MTSS1: variants seen among roughly 807,000 people sequenced by gnomAD.
The protein encoded by MTSS1 is protein MTSS 1.
Under a neutral mutation model 79.0 loss-of-function variants are expected in MTSS1, and 18 were observed. The observed-to-expected ratio is 0.23, with a 90% CI of 0.16 to 0.34. MTSS1 has a LOEUF of 0.34. Ranked by LOEUF, MTSS1 falls within the 10% of genes least tolerant of loss-of-function variation. The pLI, the probability that MTSS1 is intolerant of heterozygous loss-of-function variation, is 1.00. For missense variants in MTSS1, 815 were observed against 986.2 expected, an observed-to-expected ratio of 0.83 and a Z score of 2.33; for synonymous variants, 341 against 368.6, an observed-to-expected ratio of 0.93 and a Z score of 0.86.
chr8:124,627,032 C>T (rs924258068), intron 3 of MTSS1, among the ~76,000 whole-genome samples: 8 of 152,112 alleles, frequency 5.3e-5, no homozygotes, highest in Admixed American at 3.9e-4. Flanking sequence ...GAGTCCTGTG[C>T]ACATTCCCAT....
At chr8:124,578,559 C>T (rs1262871852) in intron 6 of MTSS1, among the ~76,000 whole-genome samples, 2 of 151,872 alleles carry the variant, frequency 1.3e-5, no homozygotes, top group Non-Finnish European at 2.9e-5. Context: ...CTTTGGGAGG[C>T]CAAGGCAACA....
chr8:124,562,684 G>T, intron 10 of MTSS1, 98 bp downstream of exon 10: 7 of 1,169,456 alleles, frequency 6.0e-6, no homozygotes, highest in Non-Finnish European at 8.7e-6. Context: ...CAGTGGGCAG[G>T]GGATTGTCTA....
intron 3 of MTSS1, among the ~76,000 whole-genome samples, chr8:124,627,005 A>G (rs1312059401): frequency 1.3e-5 from 2 of 152,108 alleles, no homozygotes; most frequent in Non-Finnish European, 2.9e-5. Context: ...CTGTCACGCA[A>G]CATTGCTTCA....
At chr8:124,580,695 C>T in intron 6 of MTSS1, 1 of 1,050,862 alleles carries the variant, frequency 9.5e-7, no homozygotes, top group Non-Finnish European at 1.4e-6. Flanking sequence ...CCATGGCTCG[C>T]CACCAAATTT....
In MTSS1 at chr8:124,643,698, C is replaced by CAA. The variant is rs11323836; in HGVS notation, c.209-52465_209-52464dup. 4.3e-3 allele frequency among the ~76,000 whole-genome samples: 285 copies of CAA among 65,954 alleles called. 1 individual carries two copies. Among genetic ancestry groups the CAA allele is most frequent in the Non-Finnish European group, 6.1e-3 (211 of 34,372 alleles). The allele number at this position is 65,954 out of a possible 152,430, so 43.3% of individuals were successfully genotyped here. A position where few individuals can be genotyped will look rare whatever the true frequency, so the allele number is the denominator to read the frequency against. Reference sequence around the variant, plus strand: ...GGGCAACAAGAGCGAAATTCCGTCTCAAAAAAAAAAAAAAAAAAAAAAAAC... The same window carrying CAA: ...GGGCAACAAGAGCGAAATTCCGTCTCAAAAAAAAAAAAAAAAAAAAAAAAAAC... On this transcript the variant is annotated intron_variant, in intron 3 of 13. Coordinates refer to ENST00000518547, the MANE Select transcript of MTSS1 (RefSeq NM_014751.6).
chr8:124,658,332 C>T lies in MTSS1; in HGVS notation c.208+41194G>A, dbSNP rs180910621. ...GATGTTTTGATATGGGGTTTCCGTT[C>T]TCGCTTGGCTCTCATTCTCTCTTGC... On this transcript the variant is annotated intron_variant, in intron 3 of 13. Coordinates refer to ENST00000518547, the MANE Select transcript of MTSS1 (RefSeq NM_014751.6). Among the ~76,000 whole-genome samples, 193 of 152,266 alleles carry T rather than the reference C, an allele frequency of 1.3e-3. 1 individual carries two copies. The highest frequency in any genetic ancestry group is 4.5e-3 in the African/African-American group (186 of 41,548).
rs183344150 is a variant in MTSS1 at position 124,551,286 on chromosome 8, C to T, written c.*1706G>A. On this transcript the variant is annotated 3_prime_UTR_variant, in exon 14 of 14. Coordinates refer to ENST00000518547, the MANE Select transcript of MTSS1 (RefSeq NM_014751.6). The stretch of plus-strand genomic sequence containing the variant: ...CAAGATTGGTGGGCTAAACCACAGG[C>T]ACTACTGTTGTTTATATTCTGTAAA... 114 of 152,748 alleles carry T rather than the reference C, an allele frequency of 7.5e-4. 2 individuals carry two copies. Among genetic ancestry groups the T allele is most frequent in the Admixed American group, 7.3e-3 (112 of 15,310 alleles). 9.5% of individuals were successfully genotyped at this position (152,748 alleles called of 1,614,324 possible). A position where few individuals can be genotyped will look rare whatever the true frequency, so the allele number is the denominator to read the frequency against.
At chr8:124,588,552 C>G (rs1305035842) in intron 5 of MTSS1, among the ~76,000 whole-genome samples, 1 of 152,180 alleles carries the variant, frequency 6.6e-6, no homozygotes, top group African/African-American at 2.4e-5. Flanking sequence ...ACTCACTCAA[C>G]CAGTTCACAA....
At chr8:124,580,452 A>G in intron 6 of MTSS1, 1 of 1,360,282 alleles carries the variant, frequency 7.4e-7, no homozygotes, top group Non-Finnish European at 1.0e-6. Context: ...AGCTGGTAGA[A>G]AAACCTGGGC....
At position 124,553,031 on chromosome 8, in the gene MTSS1, C is replaced by T. The variant is rs1350510064; in HGVS notation, c.2229G>A (p.Lys743=). ...GGGCTGAGCGATCGTTTGTCGTGGT[C>T]TTCTTCAGTTTCACGCCCCTTCGGA... ...NAIRRGVKLK[K]TTTNDRSAPR... is the part of the protein sequence containing the mutation. The change falls in exon 14 of 14, where the codon AAG becomes AAA. Residue 743 remains lysine (K), a synonymous_variant. Coordinates refer to ENST00000518547, the MANE Select transcript of MTSS1 (RefSeq NM_014751.6). The surrounding 1 kb of genome is among the most constrained non-coding windows in gnomAD (Gnocchi z 6.0). The T allele has an allele frequency of 6.2e-7, 1 of 1,614,078 alleles. No individual in the cohort carries two copies. Among genetic ancestry groups the T allele is most frequent in the Non-Finnish European group, 8.5e-7 (1 of 1,179,954 alleles).
intron 3 of MTSS1, among the ~76,000 whole-genome samples, chr8:124,678,042 A>G (rs953671412): frequency 5.3e-5 from 8 of 152,140 alleles, no homozygotes; most frequent in Non-Finnish European, 1.0e-4. Flanking sequence ...TTTCCCCCAA[A>G]CATTTTGATC....
intron 3 of MTSS1, among the ~76,000 whole-genome samples, chr8:124,613,960 A>G (rs1426764838): frequency 6.6e-6 from 1 of 152,128 alleles, no homozygotes; most frequent in Admixed American, 6.5e-5. Context: ...TCAGGAGTTC[A>G]AGACCAGCTT....
rs146964431 is a variant in MTSS1, at chr8:124,661,001, C to A, written c.208+38525G>T. Among the ~76,000 whole-genome samples, 389 of 152,316 alleles carry A rather than the reference C, an allele frequency of 2.6e-3. 1 individual carries two copies. Among genetic ancestry groups the A allele is most frequent in the African/African-American group, 9.0e-3 (373 of 41,560 alleles). ...CCTCTGACAGTAGTCACCTCTTGGCCCTGAGGCCATCGTCAATCAACAGAG... is the reference window on the plus strand; with the variant it reads ...CCTCTGACAGTAGTCACCTCTTGGCACTGAGGCCATCGTCAATCAACAGAG... On this transcript the variant is annotated intron_variant, in intron 3 of 13. Coordinates refer to ENST00000518547, the MANE Select transcript of MTSS1 (RefSeq NM_014751.6).
Position 124,597,669 on chromosome 8 carries a change from C to T in MTSS1, c.209-6434G>A, listed in dbSNP as rs1180189455. Reference sequence around the variant, plus strand: ...GGCTACAGTGTGGGCAGGTGGCGAGCGAGGACTGAAAAGACGTTTTGTCAG... The same window carrying T: ...GGCTACAGTGTGGGCAGGTGGCGAGTGAGGACTGAAAAGACGTTTTGTCAG... On this transcript the variant is annotated intron_variant, in intron 3 of 13. Coordinates refer to ENST00000518547, the MANE Select transcript of MTSS1 (RefSeq NM_014751.6). The surrounding 1 kb of genome is among the most constrained non-coding windows in gnomAD (Gnocchi z 4.6). Among the ~76,000 whole-genome samples, 4 of 152,156 alleles carry T rather than the reference C, an allele frequency of 2.6e-5. No individual in the cohort carries two copies. Among genetic ancestry groups the T allele is most frequent in the African/African-American group, 9.7e-5 (4 of 41,426 alleles).
chr8:124,727,980 G>T lies in MTSS1; in HGVS notation c.-25C>A. On this transcript the variant is annotated 5_prime_UTR_variant, in exon 1 of 14. Coordinates refer to ENST00000518547, the MANE Select transcript of MTSS1 (RefSeq NM_014751.6). This position sits in a 1 kb window ranked among gnomAD's most constrained non-coding sequence, Gnocchi z 4.7. ...TTTTCCCGGCTCCGGCAGGGCGAGGGCACACACGCGGGGCCGCTGGACTGC... is the reference window on the plus strand; with the variant it reads ...TTTTCCCGGCTCCGGCAGGGCGAGGTCACACACGCGGGGCCGCTGGACTGC... 1.9e-6 allele frequency: 3 copies of T among 1,604,520 alleles called. No individual in the cohort carries two copies. Among genetic ancestry groups the T allele is most frequent in the Non-Finnish European group, 2.6e-6 (3 of 1,175,538 alleles).
Position 124,694,242 on chromosome 8 carries a change from TAGTC to T in MTSS1, c.208+5280_208+5283del, listed in dbSNP as rs3083743. Among the ~76,000 whole-genome samples, 20 of 152,232 alleles carry T rather than the reference TAGTC, an allele frequency of 1.3e-4. No homozygotes were observed. In the South Asian group the frequency reaches 1.5e-3, roughly 11 times the overall value. On this transcript the variant is annotated intron_variant, in intron 3 of 13. Coordinates refer to ENST00000518547, the MANE Select transcript of MTSS1 (RefSeq NM_014751.6). ...ACAGAGCGGACGACACACTCCCTCTTAGTCAGCACTGGCCCATCCCGGCCACTGT... is the reference window on the plus strand; with the variant it reads ...ACAGAGCGGACGACACACTCCCTCTTAGCACTGGCCCATCCCGGCCACTGT...
intron 3 of MTSS1, among the ~76,000 whole-genome samples, chr8:124,678,940 T>TG (rs1563984236): frequency 2.6e-5 from 4 of 152,252 alleles, no homozygotes; most frequent in African/African-American, 4.8e-5. Flanking sequence ...ATCCCTTCTT[T>TG]ACTTTCCCCA....
At chr8:124,687,262 C>T (rs960271126) in intron 3 of MTSS1, among the ~76,000 whole-genome samples, 3 of 152,160 alleles carry the variant, frequency 2.0e-5, no homozygotes, top group African/African-American at 7.2e-5. Flanking sequence ...ACTGTCATCT[C>T]CCACACAGAC....
chr8:124,681,039 G>A (rs936558906), intron 3 of MTSS1, among the ~76,000 whole-genome samples: 2 of 152,150 alleles, frequency 1.3e-5, no homozygotes, highest in Non-Finnish European at 2.9e-5. Context: ...GTATAGCCCA[G>A]AGTAGAGAGG....
Sources: gnomAD v4.1 joint callset for allele counts (sites outside exome capture counted in the v4.1 genomes callset) on GRCh38, gnomAD v4.1.1 for gene constraint, Gnocchi (gnomAD v3.1) non-coding constraint, MANE v1.5 for transcripts, NCBI Gene and HGNC (gene_info 2026-07-23, HGNC 2026-07-21) for gene names.